The following NKAIN3 variants were observed in gnomAD, a reference collection of about 807,000 sequenced individuals.
NKAIN3 encodes sodium/potassium transporting ATPase interacting 3.
A neutral mutation model predicts 30.2 loss-of-function variants in NKAIN3; 25 were observed. That is an observed-to-expected ratio of 0.83 (90% confidence interval 0.60 to 1.16). The LOEUF (loss-of-function observed/expected upper bound fraction) is 1.16, where lower values mean the gene tolerates loss of function less well. Among genes scored for constraint, NKAIN3 ranks in the 50% most tolerant of loss-of-function variants. NKAIN3 has a pLI of 0.00. For missense variants in NKAIN3, 225 were observed against 254.1 expected (o/e 0.89, Z 0.78); for synonymous variants, 91 against 89.6 (o/e 1.02, Z -0.09).
intron 1 of NKAIN3, among the ~76,000 whole-genome samples, chr8:62,490,476 G>A (rs1056861550): frequency 5.3e-5 from 8 of 152,180 alleles, no homozygotes; most frequent in Admixed American, 2.0e-4. Flanking sequence ...AAGAAGGAAT[G>A]TTAGAAAATA....
intron 1 of NKAIN3, among the ~76,000 whole-genome samples, chr8:62,288,295 T>C (rs1357811359): frequency 1.3e-5 from 2 of 152,118 alleles, no homozygotes; most frequent in African/African-American, 4.8e-5. Context: ...ACAACATGCA[T>C]GTTTGTTACA....
At chr8:62,529,455 G>T (rs1160205632) in intron 1 of NKAIN3, among the ~76,000 whole-genome samples, 1 of 152,126 alleles carries the variant, frequency 6.6e-6, no homozygotes, top group Non-Finnish European at 1.5e-5. Context: ...TAGTGCTAAG[G>T]GAGCAGGCCT....
intron 4 of NKAIN3, among the ~76,000 whole-genome samples, chr8:62,848,975 G>C (rs2352236): frequency 0.6 from 91,700 of 152,014 alleles, 28,496 homozygotes; most frequent in Non-Finnish European, 0.7. Flanking sequence ...TTATTGTTTT[G>C]TGTATGTTGA....
At chr8:62,569,729 T>C (rs111589475) in intron 1 of NKAIN3, among the ~76,000 whole-genome samples, 4 of 151,592 alleles carry the variant, frequency 2.6e-5, no homozygotes, top group Admixed American at 6.6e-5. Context: ...TGAGTCAAGA[T>C]TGCAACACTG....
intron 1 of NKAIN3, among the ~76,000 whole-genome samples, chr8:62,475,200 G>A (rs1041962286): frequency 6.6e-6 from 1 of 152,134 alleles, no homozygotes; most frequent in African/African-American, 2.4e-5. Context: ...AAATAACACA[G>A]TTTTCATGAT....
intron 4 of NKAIN3, among the ~76,000 whole-genome samples, chr8:62,761,677 T>C (rs185994155): frequency 6.6e-6 from 1 of 152,324 alleles, no homozygotes; most frequent in African/African-American, 2.4e-5. Context: ...AATTGAGGAT[T>C]CCATTGCCTG....
Position 62,847,394 on chromosome 8 carries a change from G to A in NKAIN3, c.472-71059G>A, listed in dbSNP as rs535338036. Among the ~76,000 whole-genome samples, 6 of 152,120 alleles carry A rather than the reference G, an allele frequency of 3.9e-5. No individual in the cohort carries two copies. The South Asian group carries it at 1.2e-3, about 31-fold the overall frequency. On this transcript the variant is annotated intron_variant, in intron 4 of 6. Coordinates refer to ENST00000623646, the MANE Select transcript of NKAIN3 (RefSeq NM_001304533.3). Reference sequence around the variant, plus strand: ...TAGCCTTTATGACTGACATTAGATGGTATTTCATTGCGGTTTTGATTTGCA... The same window carrying A: ...TAGCCTTTATGACTGACATTAGATGATATTTCATTGCGGTTTTGATTTGCA...
chr8:62,838,418 A>G (rs1159872052), intron 4 of NKAIN3, among the ~76,000 whole-genome samples: 1 of 152,030 alleles, frequency 6.6e-6, no homozygotes, highest in Non-Finnish European at 1.5e-5. Context: ...GACATTTAGA[A>G]GAGAGATTTG....
intron 1 of NKAIN3, among the ~76,000 whole-genome samples, chr8:62,311,004 C>A (rs976895457): frequency 6.6e-6 from 1 of 150,510 alleles, no homozygotes; most frequent in African/African-American, 2.5e-5. Context: ...AATTTCTAGA[C>A]AACAGAGAGG....
chr8:62,265,221 C>A (rs1372802274), intron 1 of NKAIN3, among the ~76,000 whole-genome samples: 1 of 152,200 alleles, frequency 6.6e-6, no homozygotes, highest in Admixed American at 6.5e-5. Flanking sequence ...CTTCTTTCTA[C>A]TACTTCTTTG....
At chr8:62,772,196 C>T (rs1368567035) in intron 4 of NKAIN3, among the ~76,000 whole-genome samples, 1 of 152,178 alleles carries the variant, frequency 6.6e-6, no homozygotes, top group Non-Finnish European at 1.5e-5. Flanking sequence ...TTTCACTTAA[C>T]ATGATGATTT....
intron 4 of NKAIN3, among the ~76,000 whole-genome samples, chr8:62,869,329 C>A (rs770739807): frequency 2.0e-5 from 3 of 152,276 alleles, no homozygotes; most frequent in Non-Finnish European, 4.4e-5. Context: ...ACCCGGCGCC[C>A]CCCGCCCCCT....
chr8:62,273,363 G>A (rs1812833367), intron 1 of NKAIN3, among the ~76,000 whole-genome samples: 1 of 151,960 alleles, frequency 6.6e-6, no homozygotes, highest in South Asian at 2.1e-4. Context: ...TTGCTTTTAT[G>A]TATTAATAGT....
intron 1 of NKAIN3, among the ~76,000 whole-genome samples, chr8:62,317,582 C>G (rs1176870217): frequency 6.6e-6 from 1 of 152,084 alleles, no homozygotes; most frequent in East Asian, 1.9e-4. Flanking sequence ...GATCAGATGG[C>G]TGTAGATATG....
intron 1 of NKAIN3, among the ~76,000 whole-genome samples, chr8:62,451,962 T>G (rs1805654319): frequency 6.6e-6 from 1 of 152,168 alleles, no homozygotes; most frequent in African/African-American, 2.4e-5. Flanking sequence ...CTTTATTTAT[T>G]TTCCAGGATA....
intron 1 of NKAIN3, among the ~76,000 whole-genome samples, chr8:62,425,327 A>C (rs755390020): frequency 4.0e-5 from 6 of 151,866 alleles, no homozygotes; most frequent in Non-Finnish European, 5.9e-5. Flanking sequence ...AGGGAGGGAA[A>C]ATTATTCAAT....
At chr8:62,344,853 G>T in intron 1 of NKAIN3, 3 of 434,832 alleles carry the variant, frequency 6.9e-6, no homozygotes, top group Admixed American at 2.5e-5. Flanking sequence ...GAATGTCATG[G>T]GTATTTTGAT....
chr8:62,570,129 C>T (rs1585959406), intron 1 of NKAIN3, among the ~76,000 whole-genome samples: 2 of 151,412 alleles, frequency 1.3e-5, no homozygotes, highest in East Asian at 2.0e-4. Flanking sequence ...AGCTCACTTT[C>T]CTTATTGTGA....
intron 3 of NKAIN3, among the ~76,000 whole-genome samples, chr8:62,644,442 T>A (rs1586043200): frequency 6.7e-6 from 1 of 150,214 alleles, no homozygotes. Flanking sequence ...GTGTTTTTTT[T>A]AAGCCTTTCA....
Sources: allele counts gnomAD v4.1 joint callset (sites outside exome capture counted in the v4.1 genomes callset), GRCh38; gene constraint gnomAD v4.1.1; transcripts MANE v1.5; gene names NCBI Gene and HGNC (gene_info 2026-07-23, HGNC 2026-07-21).